Variants in WRN observed in about 807,000 individuals in gnomAD.
WRN encodes the protein WRN RecQ like helicase, also known as bifunctional 3'-5' exonuclease/ATP-dependent helicase WRN.
WRN carries 149 observed loss-of-function variants against 180.7 expected under a neutral mutation model. The ratio of observed to expected loss-of-function variants is 0.82; its 90% confidence interval spans 0.72 to 0.94. The LOEUF (loss-of-function observed/expected upper bound fraction) is 0.94, where lower values mean the gene tolerates loss of function less well. Among genes scored for constraint, WRN ranks in the 40% least tolerant of loss-of-function variants. The pLI is 0.00. For missense variants in WRN, 1,661 were observed against 1,700.1 expected (o/e 0.98, Z 0.40); for synonymous variants, 548 against 568.9 (o/e 0.96, Z 0.52).
chr8:31,091,670 C>T (rs948282357), intron 15 of WRN, among the ~76,000 whole-genome samples, 160 bp from the exon 16 acceptor site: 2 of 151,882 alleles, frequency 1.3e-5, no homozygotes, highest in African/African-American at 4.8e-5. Flanking sequence ...TGATAAGGCC[C>T]TTGAAGGAAT....
intron 1 of WRN, among the ~76,000 whole-genome samples, chr8:31,037,244 G>A (rs960596129): frequency 7.9e-5 from 12 of 152,202 alleles, no homozygotes; most frequent in East Asian, 1.9e-4. Context: ...CCTTGCATGC[G>A]CAATTCACAG....
chr8:31,103,715 C>A (rs1323093264), intron 18 of WRN, among the ~76,000 whole-genome samples: 1 of 151,832 alleles, frequency 6.6e-6, no homozygotes, highest in Admixed American at 6.6e-5. Flanking sequence ...GTTCATATCT[C>A]AAAGGTTCTT....
Position 31,173,463 on chromosome 8 carries a change from G to T in WRN, c.*361G>T. 4.5e-6 allele frequency: 1 copy of T among 224,518 alleles called. No individual in the cohort carries two copies. Among genetic ancestry groups the T allele is most frequent in the Admixed American group, 5.2e-5 (1 of 19,124 alleles). The allele number at this position is 224,518 out of a possible 1,614,324, so 13.9% of individuals were successfully genotyped here. A position where few individuals can be genotyped will look rare whatever the true frequency, so the allele number is the denominator to read the frequency against. On this transcript the variant is annotated 3_prime_UTR_variant, in exon 35 of 35. Coordinates refer to ENST00000298139, the MANE Select transcript of WRN (RefSeq NM_000553.6). Reference sequence around the variant, plus strand: ...AGATTAGTAGTTACATGGTAATTATGTGATATAAAATATTCATATATTATC... The same window carrying T: ...AGATTAGTAGTTACATGGTAATTATTTGATATAAAATATTCATATATTATC...
chr8:31,171,032 C>T (rs1804081656), intron 34 of WRN: 1 of 152,142 alleles, frequency 6.6e-6, no homozygotes, highest in Non-Finnish European at 1.5e-5. Context: ...CCAAAGAATT[C>T]AGTGATGTTA....
At chr8:31,039,143 A>C (rs1464256389) in intron 1 of WRN, among the ~76,000 whole-genome samples, 1 of 152,214 alleles carries the variant, frequency 6.6e-6, no homozygotes, top group East Asian at 1.9e-4. Flanking sequence ...TTGAATCTGT[A>C]GATAACTTTG....
At chr8:31,061,562 T>C (rs1428330957) in intron 3 of WRN, among the ~76,000 whole-genome samples, 1 of 151,612 alleles carries the variant, frequency 6.6e-6, no homozygotes, top group East Asian at 1.9e-4. Context: ...GTGATCTTAC[T>C]TTGTGGAATG....
chr8:31,069,684 G>C (rs1812835500), intron 7 of WRN, among the ~76,000 whole-genome samples: 1 of 152,182 alleles, frequency 6.6e-6, no homozygotes. Flanking sequence ...TTTGATATCA[G>C]TGGGAGGGAG....
intron 1 of WRN, among the ~76,000 whole-genome samples, chr8:31,053,146 C>A (rs966449597): frequency 1.3e-5 from 2 of 152,186 alleles, no homozygotes; most frequent in African/African-American, 4.8e-5. Context: ...CTGGAAGACA[C>A]TATTTGCTTG....
chr8:31,173,267 A>C lies in WRN; in HGVS notation c.*165A>C, dbSNP rs1056856351. ...ATCTTAAATCAGCCTTCCGCAATTC[A>C]TGTAGTTTCTGGGTCTTCTGGGAGC... is the stretch of plus-strand genomic sequence containing the variant. On this transcript the variant is annotated 3_prime_UTR_variant, in exon 35 of 35. Transcript: ENST00000298139. 7.1e-6 allele frequency: 5 copies of C among 705,872 alleles called. No individual in the cohort carries two copies. Among genetic ancestry groups the C allele is most frequent in the Non-Finnish European group, 1.2e-5 (5 of 413,930 alleles). The allele number at this position is 705,872 out of a possible 1,614,324, so 43.7% of individuals were successfully genotyped here. A position where few individuals can be genotyped will look rare whatever the true frequency, so the allele number is the denominator to read the frequency against.
intron 11 of WRN, 97 bp downstream of exon 11, chr8:31,085,343 A>G (rs980727517): frequency 2.1e-5 from 28 of 1,318,334 alleles, no homozygotes; most frequent in South Asian, 1.8e-4. Context: ...TTCCACCACA[A>G]TGAAATTGCT....
chr8:31,038,417 GT>G (rs34018855), intron 1 of WRN, among the ~76,000 whole-genome samples: 15,097 of 150,662 alleles, frequency 0.1, 787 homozygotes, highest in African/African-American at 0.13. Flanking sequence ...TTTTAATTGA[GT>G]TTTTTTTTCT....
chr8:31,146,291 AT>A (rs1484903278), intron 28 of WRN, among the ~76,000 whole-genome samples: 1 of 149,856 alleles, frequency 6.7e-6, no homozygotes, highest in African/African-American at 2.4e-5. Context: ...GTTTATATAT[AT>A]TTTTAATATA....
In WRN at chr8:31,081,424, T is replaced by G. The variant is rs1813307986; in HGVS notation, c.1269+128T>G. 3.0e-6 allele frequency: 3 copies of G among 985,222 alleles called. No homozygotes were observed. In the African/African-American group the frequency reaches 4.9e-5, roughly 16 times the overall value. 61.0% of individuals were successfully genotyped at this position (985,222 alleles called of 1,614,324 possible). On this transcript the variant is annotated intron_variant, in intron 9 of 34. Transcript: ENST00000298139. ...TACAGTCTCTGTTGCAGTAACTCAG[T>G]TCTGTTATTGTAGTGTGAAAGCAGC...
intron 12 of WRN, 144 bp from the exon 13 acceptor site, chr8:31,088,746 G>A: frequency 1.4e-6 from 1 of 703,240 alleles, no homozygotes; most frequent in Non-Finnish European, 2.5e-6. Flanking sequence ...AGACCAGTTT[G>A]TATTGGAATT....
At chr8:31,101,886 CT>C (rs1439395244) in intron 18 of WRN, among the ~76,000 whole-genome samples, 14 of 149,450 alleles carry the variant, frequency 9.4e-5, no homozygotes, top group South Asian at 4.2e-4. Flanking sequence ...AATAATAGCA[CT>C]GTTTTATTTT....
intron 8 of WRN, among the ~76,000 whole-genome samples, chr8:31,078,953 G>A (rs1585425101): frequency 6.6e-6 from 1 of 152,304 alleles, no homozygotes; most frequent in East Asian, 1.9e-4. Context: ...CTGTGCCACT[G>A]TTGCTGTGTT....
chr8:31,156,661 A>G (rs1803398334), intron 32 of WRN, among the ~76,000 whole-genome samples: 1 of 152,226 alleles, frequency 6.6e-6, no homozygotes, highest in Non-Finnish European at 1.5e-5. Context: ...GGATCATGAA[A>G]TAAGTTAGAG....
chr8:31,172,201 G>A (rs1329292361), intron 34 of WRN, among the ~76,000 whole-genome samples: 1 of 152,056 alleles, frequency 6.6e-6, no homozygotes, highest in Non-Finnish European at 1.5e-5. Context: ...CTCTGCTCAG[G>A]CTGGAGTGCA....
At position 31,090,859 on chromosome 8, in the gene WRN, G is replaced by A. The variant is rs1163843980; in HGVS notation, c.1746G>A (p.Gln582=). Residue 582 remains glutamine, a synonymous_variant, in exon 15 of 35, where the codon CAG becomes CAA. Transcript: ENST00000298139. ...ATGYGKSLCF[Q]YPPVYVGKIG... is the part of the protein sequence containing the mutation. ...GATATGGAAAGAGTTTGTGCTTCCA[G>A]TATCCACCTGTTTATGTAGGCAAGA... 1 of 1,611,354 alleles carries A rather than the reference G, an allele frequency of 6.2e-7. No individual in the cohort carries two copies. Among genetic ancestry groups the A allele is most frequent in the Non-Finnish European group, 8.5e-7 (1 of 1,178,542 alleles).
Sources: gnomAD v4.1 joint callset for allele counts (sites outside exome capture counted in the v4.1 genomes callset) on GRCh38, gnomAD v4.1.1 for gene constraint, MANE v1.5 for transcripts, NCBI Gene and HGNC (gene_info 2026-07-23, HGNC 2026-07-21) for gene names.